Variants in MLLT10 observed in about 807,000 individuals in gnomAD.
MLLT10 encodes MLLT10 histone lysine methyltransferase DOT1L cofactor.
In MLLT10, 30 loss-of-function variants were observed where a neutral mutation model predicts 129.1. The observed-to-expected ratio is 0.23, with a 90% CI of 0.17 to 0.32. MLLT10 has a LOEUF of 0.32. Ranked by LOEUF, MLLT10 falls within the 10% of genes least tolerant of loss-of-function variation. The pLI, the probability that MLLT10 is intolerant of heterozygous loss-of-function variation, is 1.00. For missense variants in MLLT10, 1,119 were observed against 1,268.3 expected, an observed-to-expected ratio of 0.88 and a Z score of 1.79; for synonymous variants, 490 against 446.4, an observed-to-expected ratio of 1.10 and a Z score of -1.23.
chr10:21,642,756 A>G (rs2048140442), intron 8 of MLLT10, among the ~76,000 whole-genome samples: 1 of 152,112 alleles, frequency 6.6e-6, no homozygotes, highest in African/African-American at 2.4e-5. Flanking sequence ...AAGAGAATCA[A>G]TTTCTCTTAA....
intron 9 of MLLT10, among the ~76,000 whole-genome samples, chr10:21,663,608 A>G (rs539663893): frequency 1.2e-4 from 19 of 152,228 alleles, no homozygotes; most frequent in African/African-American, 3.9e-4. Context: ...TCTGTCACCC[A>G]GGCTGGAGTG....
chr10:21,739,612 T>A (rs2058667219), intron 21 of MLLT10, among the ~76,000 whole-genome samples: 1 of 152,208 alleles, frequency 6.6e-6, no homozygotes, highest in South Asian at 2.1e-4. Flanking sequence ...AAATATACGC[T>A]GCATGGAGTA....
intron 14 of MLLT10, among the ~76,000 whole-genome samples, chr10:21,723,653 T>C (rs2131550629): frequency 6.6e-6 from 1 of 152,322 alleles, no homozygotes; most frequent in East Asian, 1.9e-4. Flanking sequence ...TACTGTGTTT[T>C]CTCTGTTGGT....
rs991512939 is a variant in MLLT10, at chr10:21,670,549, C to T, written c.896C>T (p.Ala299Val). 3 of 1,614,026 alleles carry T rather than the reference C, an allele frequency of 1.9e-6. No individual in the cohort carries two copies. In the African/African-American group the frequency reaches 4.0e-5, roughly 22 times the overall value. Reference protein sequence around the residue: ...FTNANFQEVSAHTSSGKDVSE... With the variant: ...FTNANFQEVSVHTSSGKDVSE... Reference sequence around the variant, plus strand: ...AATGCAAATTTCCAGGAAGTCTCTGCACACACCTCTAGTGGAAAAGATGTT... The same window carrying T: ...AATGCAAATTTCCAGGAAGTCTCTGTACACACCTCTAGTGGAAAAGATGTT... Residue 299 changes from alanine (A) to valine (V), a missense_variant, in exon 10 of 23, where the codon GCA (alanine) becomes GTA (valine). By Grantham distance (64) the Ala-to-Val change is moderately conservative. Around this residue, in one of 5 missense-constraint regions of MLLT10, gnomAD observed 1,004 missense variants for 1,008.7 expected, o/e 1.00. Transcript: ENST00000307729.
intron 6 of MLLT10, among the ~76,000 whole-genome samples, chr10:21,614,317 C>G (rs533945905): frequency 1.3e-5 from 2 of 148,246 alleles, no homozygotes; most frequent in East Asian, 2.0e-4. Flanking sequence ...TTATGTTTAT[C>G]TCGCTTATTG....
At position 21,534,518 on chromosome 10, in the gene MLLT10, C is replaced by T; in HGVS notation, c.-3C>T. 1 of 964,890 alleles carries T rather than the reference C, an allele frequency of 1.0e-6. No individual in the cohort carries two copies. The highest frequency in any genetic ancestry group is 1.4e-6 in the Non-Finnish European group (1 of 691,226). The allele number at this position is 964,890 out of a possible 1,614,324, so 59.8% of individuals were successfully genotyped here. A position where few individuals can be genotyped will look rare whatever the true frequency, so the allele number is the denominator to read the frequency against. On this transcript the variant is annotated splice_region_variant and 5_prime_UTR_variant, in exon 1 of 23. Transcript: ENST00000307729. ...ACGTGAGTGACTGAGCGGCAAAGCC[C>T]GAGTGAGCGAGCGGTGGGCTGCCGG...
chr10:21,688,497 G>A (rs2131424619), intron 13 of MLLT10: 1 of 1,612,228 alleles, frequency 6.2e-7, no homozygotes, highest in African/African-American at 1.3e-5. Flanking sequence ...TTAGACAGAG[G>A]TGACAGTTCT....
intron 13 of MLLT10, among the ~76,000 whole-genome samples, chr10:21,689,618 T>TACACAC (rs58778532): frequency 1.4e-4 from 16 of 112,062 alleles, no homozygotes; most frequent in African/African-American, 4.2e-4. Context: ...TATATATATA[T>TACACAC]ACACACACAC....
chr10:21,726,338 C>G lies in MLLT10; in HGVS notation c.1973C>G (p.Ser658Cys), dbSNP rs922434716. ...NSSMAALIAQSENNQTDQDLG... is the reference protein window; with the variant it reads ...NSSMAALIAQCENNQTDQDLG... ...TCAATGGCAGCTCTTATAGCTCAGTCTGAAAACAATCAAACAGGTAAGTTT... is the reference window on the plus strand; with the variant it reads ...TCAATGGCAGCTCTTATAGCTCAGTGTGAAAACAATCAAACAGGTAAGTTT... The change falls in exon 15 of 23, where the codon TCT becomes TGT. Residue 658 changes from serine to cysteine, a missense_variant. Physicochemically the swap from Ser to Cys is moderately radical, Grantham distance 112 (BLOSUM62 -1). Transcript: ENST00000307729. 7 of 1,609,808 alleles carry G rather than the reference C, an allele frequency of 4.3e-6. No individual in the cohort carries two copies. The highest frequency in any genetic ancestry group is 5.9e-6 in the Non-Finnish European group (7 of 1,176,676).
At chr10:21,626,753 A>G (rs1005338617) in intron 8 of MLLT10, among the ~76,000 whole-genome samples, 9 of 152,190 alleles carry the variant, frequency 5.9e-5, no homozygotes, top group African/African-American at 2.2e-4. Flanking sequence ...TTGTCTTTGT[A>G]AAAGTTTTCT....
At chr10:21,554,360 A>T (rs1241099864) in intron 3 of MLLT10, among the ~76,000 whole-genome samples, 1 of 151,850 alleles carries the variant, frequency 6.6e-6, no homozygotes, top group African/African-American at 2.4e-5. Context: ...GCATCTTGAT[A>T]TTGTAGCCCA....
At chr10:21,649,358 T>G (rs1236032586) in intron 8 of MLLT10, among the ~76,000 whole-genome samples, 2 of 152,246 alleles carry the variant, frequency 1.3e-5, no homozygotes, top group Admixed American at 1.3e-4. Flanking sequence ...ATTACAGGTG[T>G]GAGCCAGTGT....
chr10:21,738,280 T>A, intron 21 of MLLT10: 1 of 684,794 alleles, frequency 1.5e-6, no homozygotes, highest in Non-Finnish European at 2.1e-6. Context: ...AAAAAAAAAA[T>A]CTTAAATGCT....
At chr10:21,548,882 T>G (rs564365606) in intron 3 of MLLT10, among the ~76,000 whole-genome samples, 1 of 152,298 alleles carries the variant, frequency 6.6e-6, no homozygotes, top group South Asian at 2.1e-4. Context: ...AACATACTTA[T>G]TGTAAAGATT....
chr10:21,669,290 G>C lies in MLLT10; in HGVS notation c.796-1159G>C, dbSNP rs554133736. On this transcript the variant is annotated intron_variant, in intron 9 of 22. Coordinates refer to ENST00000307729, the MANE Select transcript of MLLT10 (RefSeq NM_001195626.3). ...GGGTGACAGAAAAGCAGCAAGATTT[G>C]GTTTTCCAAACACTTAATTTCTTCT... is the stretch of plus-strand genomic sequence containing the variant. Among the ~76,000 whole-genome samples, 37 of 152,024 alleles carry C rather than the reference G, an allele frequency of 2.4e-4. 1 individual carries two copies. In the East Asian group the frequency reaches 6.8e-3, roughly 28 times the overall value.
chr10:21,682,182 G>T, intron 12 of MLLT10, 43 bp from the exon 13 acceptor site: 1 of 1,567,658 alleles, frequency 6.4e-7, no homozygotes, highest in South Asian at 1.2e-5. Flanking sequence ...TTGTGTGTTT[G>T]AGAATGATCT....
chr10:21,672,617 A>G (rs930580894), intron 10 of MLLT10, among the ~76,000 whole-genome samples: 5 of 152,100 alleles, frequency 3.3e-5, no homozygotes, highest in African/African-American at 1.2e-4. Flanking sequence ...AGTTTCTTAT[A>G]TCTTAGAATG....
chr10:21,729,859 G>GTA (rs1322220038), intron 16 of MLLT10, among the ~76,000 whole-genome samples: 2 of 152,174 alleles, frequency 1.3e-5, no homozygotes, highest in African/African-American at 4.8e-5. Context: ...ACCAAAAAGT[G>GTA]TAGAGAACAT....
chr10:21,555,675 A>AATTTTTTTTTTTTTTTTTTTTTT (rs1554788897), intron 3 of MLLT10, among the ~76,000 whole-genome samples: 1 of 132,774 alleles, frequency 7.5e-6, no homozygotes. Flanking sequence ...ATGTAAGACA[A>AATTTTTTTTTTTTTTTTTTTTTT]TTTTTTTTTT....
Sources: allele counts gnomAD v4.1 joint callset (sites outside exome capture counted in the v4.1 genomes callset), GRCh38; gene constraint gnomAD v4.1.1; regional missense constraint gnomAD v4.1.1; transcripts MANE v1.5; gene names NCBI Gene and HGNC (gene_info 2026-07-23, HGNC 2026-07-21).